The following RSRC1 variants were observed in gnomAD, a reference collection of about 807,000 sequenced individuals.
The protein encoded by RSRC1 is arginine and serine rich coiled-coil 1.
RSRC1 carries 39 observed loss-of-function variants against 49.1 expected under a neutral mutation model. The observed-to-expected ratio is 0.79, with a 90% CI of 0.61 to 1.04. The LOEUF is 1.04. Among genes scored for constraint, RSRC1 ranks in the 50% least tolerant of loss-of-function variants. The probability of loss-of-function intolerance (pLI) is 0.00; values close to 1 mark genes in which losing one functional copy is unlikely to be tolerated. For synonymous variants in RSRC1, 143 were observed against 130.8 expected (o/e 1.09, Z -0.63); for missense variants, 388 against 402.4 (o/e 0.96, Z 0.31).
chr3:158,221,249 A>G (rs555035238), intron 4 of RSRC1, among the ~76,000 whole-genome samples: 35 of 151,702 alleles, frequency 2.3e-4, no homozygotes, highest in Non-Finnish European at 4.0e-4. Context: ...CTTTTCTTAT[A>G]AAAGAAACTG....
chr3:158,150,244 G>A (rs1336244325), intron 3 of RSRC1, among the ~76,000 whole-genome samples: 1 of 152,172 alleles, frequency 6.6e-6, no homozygotes, highest in South Asian at 2.1e-4. Context: ...AGACTTGCCA[G>A]TTATTTTAGA....
chr3:158,193,506 C>A (rs1191880029), intron 3 of RSRC1, among the ~76,000 whole-genome samples: 1 of 152,032 alleles, frequency 6.6e-6, no homozygotes, highest in Admixed American at 6.6e-5. Context: ...CAGCTAATTG[C>A]CAGAATCATA....
chr3:158,218,746 C>A (rs1366683321), intron 4 of RSRC1, among the ~76,000 whole-genome samples: 2 of 151,572 alleles, frequency 1.3e-5, no homozygotes, highest in Non-Finnish European at 3.0e-5. Context: ...GCTGCAGTAA[C>A]CCAAGCAATA....
At chr3:158,382,131 G>A (rs903111832) in intron 6 of RSRC1, among the ~76,000 whole-genome samples, 9 of 151,866 alleles carry the variant, frequency 5.9e-5, no homozygotes, top group Non-Finnish European at 1.3e-4. Context: ...ATGCACATTA[G>A]CCTAAACCTA....
intron 3 of RSRC1, among the ~76,000 whole-genome samples, chr3:158,145,512 C>G (rs559253684): frequency 1.1e-3 from 173 of 152,226 alleles, no homozygotes; most frequent in African/African-American, 4.0e-3. Context: ...GGTAGCAGTA[C>G]CATGCTGTTT....
rs1201885723 is a variant in RSRC1 at position 158,285,249 on chromosome 3, C to A, written c.495-12790C>A. Among the ~76,000 whole-genome samples the A allele has an allele frequency of 2.0e-5, 3 of 152,154 alleles. No homozygotes were observed. The East Asian group carries it at 5.8e-4, about 29-fold the overall frequency. ...GAGGGCTCTGTTCTGTTCCATTGAT[C>A]TATATCTCTGTTTTGGTAGCAGTAC... On this transcript the variant is annotated intron_variant, in intron 4 of 9. Coordinates refer to ENST00000611884, the MANE Select transcript of RSRC1 (RefSeq NM_001271838.2).
chr3:158,286,961 G>A (rs890731323), intron 4 of RSRC1, among the ~76,000 whole-genome samples: 1 of 152,058 alleles, frequency 6.6e-6, no homozygotes, highest in Non-Finnish European at 1.5e-5. Context: ...CGAGTATCTG[G>A]GACTACAGCT....
At chr3:158,125,897 C>T (rs1160396059) in intron 3 of RSRC1, among the ~76,000 whole-genome samples, 3 of 151,900 alleles carry the variant, frequency 2.0e-5, no homozygotes, top group Non-Finnish European at 4.4e-5. Flanking sequence ...GTGTTAGGTG[C>T]ATATATATAT....
intron 7 of RSRC1, among the ~76,000 whole-genome samples, chr3:158,490,480 G>A (rs944332332): frequency 3.6e-4 from 55 of 152,266 alleles, no homozygotes; most frequent in African/African-American, 1.2e-3. Context: ...AACTGGCACC[G>A]TGTGCAGAAA....
intron 7 of RSRC1, among the ~76,000 whole-genome samples, chr3:158,527,077 C>CTTTTTTTTTTTTTTTTTTTTTT (rs543523088): frequency 9.1e-6 from 1 of 110,182 alleles, no homozygotes; most frequent in Non-Finnish European, 1.8e-5. Flanking sequence ...AGTTCAAAAT[C>CTTTTTTTTTTTTTTTTTTTTTT]TTTTTTTTTT....
intron 6 of RSRC1, among the ~76,000 whole-genome samples, chr3:158,446,294 T>G (rs1372061874): frequency 1.3e-5 from 2 of 150,182 alleles, no homozygotes; most frequent in Non-Finnish European, 3.0e-5. Flanking sequence ...GTTTTTTTTG[T>G]TTAAACTCTG....
intron 5 of RSRC1, among the ~76,000 whole-genome samples, chr3:158,309,830 A>G (rs909717604): frequency 1.3e-5 from 2 of 151,766 alleles, no homozygotes; most frequent in Admixed American, 1.3e-4. Context: ...TTTATCCACC[A>G]ATACCATCAT....
intron 3 of RSRC1, among the ~76,000 whole-genome samples, chr3:158,180,209 G>A (rs187223443): frequency 6.6e-6 from 1 of 151,712 alleles, no homozygotes; most frequent in East Asian, 1.9e-4. Context: ...TTTAAATTTT[G>A]GTGAAGTCTA....
At chr3:158,469,502 A>G (rs1207405515) in intron 7 of RSRC1, 5 of 309,542 alleles carry the variant, frequency 1.6e-5, no homozygotes, top group Non-Finnish European at 3.2e-5. Flanking sequence ...TTGCAAAATG[A>G]AACAGTATAG....
chr3:158,243,090 T>A (rs1462812052), intron 4 of RSRC1, among the ~76,000 whole-genome samples: 1 of 152,218 alleles, frequency 6.6e-6, no homozygotes. Flanking sequence ...TTGTTGCAAT[T>A]GTTTTTGGTG....
chr3:158,428,139 C>G (rs183710781), intron 6 of RSRC1, among the ~76,000 whole-genome samples: 5 of 151,842 alleles, frequency 3.3e-5, no homozygotes, highest in Admixed American at 3.3e-4. Context: ...TGTTCTCCTT[C>G]CCTCTAGGAA....
At chr3:158,194,124 T>C (rs1720406244) in intron 3 of RSRC1, among the ~76,000 whole-genome samples, 1 of 150,202 alleles carries the variant, frequency 6.7e-6, no homozygotes, top group East Asian at 2.0e-4. Context: ...TAGCTGAGCA[T>C]GGTGGCACAG....
At chr3:158,376,344 T>C (rs1207718458) in intron 6 of RSRC1, among the ~76,000 whole-genome samples, 3 of 151,962 alleles carry the variant, frequency 2.0e-5, no homozygotes, top group African/African-American at 4.8e-5. Context: ...AAATTTTTTG[T>C]AGAGACGGGG....
At chr3:158,540,650 C>T (rs1712984437) in intron 8 of RSRC1, among the ~76,000 whole-genome samples, 1 of 152,152 alleles carries the variant, frequency 6.6e-6, no homozygotes, top group Admixed American at 6.5e-5. Context: ...TCACAATCCA[C>T]AGCCACCATT....
Sources: gnomAD v4.1 joint callset for allele counts (sites outside exome capture counted in the v4.1 genomes callset) on GRCh38, gnomAD v4.1.1 for gene constraint, MANE v1.5 for transcripts, NCBI Gene and HGNC (gene_info 2026-07-23, HGNC 2026-07-21) for gene names.